Variants in NAALADL2 observed in about 807,000 individuals in gnomAD.
The protein encoded by NAALADL2 is N-acetylated alpha-linked acidic dipeptidase like 2.
In NAALADL2, 76 loss-of-function variants were observed where a neutral mutation model predicts 87.2. That is an observed-to-expected ratio of 0.87 (90% confidence interval 0.72 to 1.05). NAALADL2 has a LOEUF of 1.05. Ranked by LOEUF, NAALADL2 falls within the 50% of genes least tolerant of loss-of-function variation. NAALADL2 has a pLI of 0.00. For missense variants in NAALADL2, 1,089 were observed against 945.8 expected (o/e 1.15, Z -1.99); for synonymous variants, 354 against 331.0 (o/e 1.07, Z -0.75).
chr3:174,815,446 A>G (rs1720678421), intron 3 of NAALADL2, among the ~76,000 whole-genome samples: 1 of 152,104 alleles, frequency 6.6e-6, no homozygotes, highest in African/African-American at 2.4e-5. Context: ...TTCTTAAGAG[A>G]TAGGGTCTTG....
At chr3:174,982,951 C>G (rs1169757965) in intron 1 of NAALADL2, among the ~76,000 whole-genome samples, 3 of 152,168 alleles carry the variant, frequency 2.0e-5, no homozygotes, top group South Asian at 2.1e-4. Context: ...GTGCCCGCCA[C>G]CACGCCTGGC....
At chr3:175,644,457 A>C (rs78742330) in intron 11 of NAALADL2, among the ~76,000 whole-genome samples, 6,821 of 152,066 alleles carry the variant, frequency 0.045, 188 homozygotes, top group South Asian at 0.11. Flanking sequence ...TGATTTAGTT[A>C]GGGGCACAAT....
chr3:174,817,202 C>A (rs1048286464), intron 3 of NAALADL2, among the ~76,000 whole-genome samples: 6 of 152,186 alleles, frequency 3.9e-5, no homozygotes, highest in African/African-American at 1.4e-4. Context: ...AACCCACAAT[C>A]TTAATAATGT....
chr3:174,785,141 G>C (rs1471854026), intron 3 of NAALADL2, among the ~76,000 whole-genome samples: 1 of 152,184 alleles, frequency 6.6e-6, no homozygotes, highest in Non-Finnish European at 1.5e-5. Context: ...AGTCAGCACA[G>C]TGTACAACAG....
chr3:175,759,267 A>C (rs1416909339), intron 13 of NAALADL2, among the ~76,000 whole-genome samples: 1 of 152,340 alleles, frequency 6.6e-6, no homozygotes, highest in Middle Eastern at 3.4e-3. Context: ...TACTTATTCA[A>C]AGTGCACAAT....
At chr3:175,315,280 T>C (rs764495939) in intron 4 of NAALADL2, among the ~76,000 whole-genome samples, 1 of 152,140 alleles carries the variant, frequency 6.6e-6, no homozygotes, top group South Asian at 2.1e-4. Flanking sequence ...AAGGATTACA[T>C]TGAGTTAAGC....
chr3:174,467,206 T>G (rs1055846142), intron 1 of NAALADL2, among the ~76,000 whole-genome samples: 1 of 152,206 alleles, frequency 6.6e-6, no homozygotes, highest in Non-Finnish European at 1.5e-5. Context: ...ATATACACCC[T>G]TTAACATGAC....
chr3:175,507,703 C>T (rs1185902833), intron 9 of NAALADL2, among the ~76,000 whole-genome samples: 2 of 152,160 alleles, frequency 1.3e-5, no homozygotes, highest in Non-Finnish European at 2.9e-5. Flanking sequence ...GGATTACAGG[C>T]GTGAGCCACT....
At chr3:174,882,502 T>A (rs1010951729) in intron 1 of NAALADL2, among the ~76,000 whole-genome samples, 10 of 150,464 alleles carry the variant, frequency 6.6e-5, no homozygotes, top group African/African-American at 2.5e-4. Context: ...TATACATATA[T>A]GTGTATATAC....
At chr3:175,448,127 TG>T (rs1359371795) in intron 6 of NAALADL2, among the ~76,000 whole-genome samples, 1 of 152,224 alleles carries the variant, frequency 6.6e-6, no homozygotes, top group East Asian at 1.9e-4. Context: ...AAAGAAAATA[TG>T]TTGAAGAAAT....
At chr3:175,302,404 CA>C (rs1757193796) in intron 4 of NAALADL2, among the ~76,000 whole-genome samples, 1 of 152,088 alleles carries the variant, frequency 6.6e-6, no homozygotes, top group Non-Finnish European at 1.5e-5. Flanking sequence ...AGGGATTTTA[CA>C]ATAATAATTA....
chr3:174,761,386 G>A (rs1223433714), intron 3 of NAALADL2, among the ~76,000 whole-genome samples: 1 of 152,116 alleles, frequency 6.6e-6, no homozygotes, highest in East Asian at 1.9e-4. Context: ...AGTCTTAAGT[G>A]TAAAATAAAA....
At position 175,377,137 on chromosome 3, in the gene NAALADL2, A is replaced by T; in HGVS notation, c.1090+52812A>T. 1.3e-5 allele frequency among the ~76,000 whole-genome samples: 2 copies of T among 151,836 alleles called. 1 individual carries two copies. The highest frequency in any genetic ancestry group is 2.9e-5 in the Non-Finnish European group (2 of 67,960). Reference sequence around the variant, plus strand: ...AACCCTCCCTGGCCAACATGGTAAAACCCCATCTCTACTAATAATACAAAA... The same window carrying T: ...AACCCTCCCTGGCCAACATGGTAAATCCCCATCTCTACTAATAATACAAAA... On this transcript the variant is annotated intron_variant, in intron 5 of 13. Transcript: ENST00000454872.
intron 11 of NAALADL2, among the ~76,000 whole-genome samples, chr3:175,726,917 C>G (rs946472491): frequency 3.9e-5 from 6 of 152,138 alleles, no homozygotes; most frequent in Admixed American, 3.9e-4. Flanking sequence ...TTGCCTTCTT[C>G]TTCAATGCCC....
chr3:175,770,701 C>G (rs895874367), intron 13 of NAALADL2, among the ~76,000 whole-genome samples: 1 of 152,132 alleles, frequency 6.6e-6, no homozygotes, highest in East Asian at 1.9e-4. Context: ...ATCTTCTAAT[C>G]AAAGCTTACA....
intron 1 of NAALADL2, among the ~76,000 whole-genome samples, chr3:174,892,224 A>C (rs542805171): frequency 8.4e-4 from 128 of 152,274 alleles, no homozygotes; most frequent in African/African-American, 2.8e-3. Flanking sequence ...AAATCTACTA[A>C]ATAAGGCACC....
At chr3:174,589,634 G>A (rs913957463) in intron 2 of NAALADL2, among the ~76,000 whole-genome samples, 2 of 152,308 alleles carry the variant, frequency 1.3e-5, no homozygotes, top group South Asian at 2.1e-4. Flanking sequence ...TGAAACATTA[G>A]TAATTTCAGA....
intron 1 of NAALADL2, among the ~76,000 whole-genome samples, chr3:174,476,101 G>T (rs1000423668): frequency 2.0e-5 from 3 of 151,874 alleles, no homozygotes; most frequent in African/African-American, 7.2e-5. Context: ...AATATCTAAT[G>T]AATGAAATAA....
chr3:175,787,607 T>A (rs1289999519), intron 13 of NAALADL2, among the ~76,000 whole-genome samples: 2 of 152,140 alleles, frequency 1.3e-5, no homozygotes, highest in African/African-American at 2.4e-5. Context: ...CTGCGCCCAC[T>A]GTCTGGCGCT....
Sources: allele counts gnomAD v4.1 joint callset (sites outside exome capture counted in the v4.1 genomes callset), GRCh38; gene constraint gnomAD v4.1.1; transcripts MANE v1.5; gene names NCBI Gene and HGNC (gene_info 2026-07-23, HGNC 2026-07-21).